The following TNR variants were observed in gnomAD, a reference collection of about 807,000 sequenced individuals.
TNR encodes the protein tenascin-R.
A neutral mutation model predicts 150.4 loss-of-function variants in TNR; 45 were observed. That is an observed-to-expected ratio of 0.30 (90% confidence interval 0.24 to 0.38). The LOEUF (loss-of-function observed/expected upper bound fraction) is 0.38, where lower values mean the gene tolerates loss of function less well. Ranked by LOEUF, TNR falls within the 10% of genes least tolerant of loss-of-function variation. The pLI, the probability that TNR is intolerant of heterozygous loss-of-function variation, is 1.00. For missense variants in TNR, 1,544 were observed against 1,759.1 expected (o/e 0.88, Z 2.19); for synonymous variants, 687 against 678.4 (o/e 1.01, Z -0.20).
At chr1:175,422,904 TG>T (rs1327450092) in intron 2 of TNR, among the ~76,000 whole-genome samples, 2 of 152,210 alleles carry the variant, frequency 1.3e-5, no homozygotes, top group Non-Finnish European at 1.5e-5. Context: ...TGGTTGGCTG[TG>T]AGCTAGGTCA....
chr1:175,550,177 T>A (rs1479303983), intron 1 of TNR, among the ~76,000 whole-genome samples: 1 of 152,182 alleles, frequency 6.6e-6, no homozygotes, highest in East Asian at 1.9e-4. Flanking sequence ...AAAGTAACTA[T>A]CTGATTTGGG....
intron 20 of TNR, 85 bp from the exon 21 acceptor site, chr1:175,330,320 C>T (rs1649670537): frequency 7.1e-7 from 1 of 1,406,608 alleles, no homozygotes; most frequent in Non-Finnish European, 9.5e-7. Context: ...GGCTTCAAAA[C>T]ATGTTACAGG....
Position 175,544,410 on chromosome 1 carries a change from G to A in TNR, c.-164-16041C>T, listed in dbSNP as rs1229876958. ...TGACTCACTGGACGGGATAGGGGCA[G>A]GGAGGAACAATTAAGCCTTCTCAGG... On this transcript the variant is annotated intron_variant, in intron 1 of 22. Transcript: ENST00000367674. Among the ~76,000 whole-genome samples the A allele has an allele frequency of 3.3e-5, 5 of 152,212 alleles. 1 individual carries two copies. The highest frequency in any genetic ancestry group is 1.2e-4 in the African/African-American group (5 of 41,454).
At chr1:175,630,369 C>T (rs1338136260) in intron 1 of TNR, among the ~76,000 whole-genome samples, 3 of 152,170 alleles carry the variant, frequency 2.0e-5, no homozygotes, top group Non-Finnish European at 4.4e-5. Context: ...GAGTGTGTGT[C>T]TATCAGTAGC....
intron 6 of TNR, among the ~76,000 whole-genome samples, chr1:175,393,319 C>G (rs974344861): frequency 1.3e-5 from 2 of 152,100 alleles, no homozygotes; most frequent in Non-Finnish European, 2.9e-5. Flanking sequence ...ATGTCTGTAA[C>G]CTTTAGGGAT....
intron 1 of TNR, among the ~76,000 whole-genome samples, chr1:175,619,341 G>A (rs1473051446): frequency 3.9e-5 from 6 of 152,112 alleles, no homozygotes; most frequent in Admixed American, 6.5e-5. Flanking sequence ...ATAAAACTTC[G>A]TGCAGAATGT....
chr1:175,432,580 T>C (rs1305994542), intron 2 of TNR, among the ~76,000 whole-genome samples: 1 of 152,230 alleles, frequency 6.6e-6, no homozygotes, highest in Admixed American at 6.5e-5. Flanking sequence ...CTTACTTTCC[T>C]TCTTTCATTT....
At chr1:175,445,121 T>A (rs900020908) in intron 2 of TNR, among the ~76,000 whole-genome samples, 6 of 152,052 alleles carry the variant, frequency 3.9e-5, no homozygotes, top group African/African-American at 1.4e-4. Context: ...ACACAAAAAA[T>A]TAGCTAGGTG....
At chr1:175,604,116 C>A (rs1045933581) in intron 1 of TNR, among the ~76,000 whole-genome samples, 3 of 151,982 alleles carry the variant, frequency 2.0e-5, no homozygotes, top group African/African-American at 7.2e-5. Flanking sequence ...ACAGTGGCAG[C>A]TTTTCCCCTT....
chr1:175,579,505 G>A (rs1037777528), intron 1 of TNR, among the ~76,000 whole-genome samples: 1 of 151,892 alleles, frequency 6.6e-6, no homozygotes. Context: ...GGGCAATGGC[G>A]ATTAGACCAA....
chr1:175,615,267 C>T (rs1049822699), intron 1 of TNR, among the ~76,000 whole-genome samples: 6 of 152,180 alleles, frequency 3.9e-5, no homozygotes, highest in Non-Finnish European at 1.5e-5. Context: ...ATTCTTGGAC[C>T]TTCTTTTCTC....
chr1:175,601,049 G>A (rs1663214362), intron 1 of TNR, among the ~76,000 whole-genome samples: 1 of 152,194 alleles, frequency 6.6e-6, no homozygotes, highest in Non-Finnish European at 1.5e-5. Context: ...AAATGATATT[G>A]TAGTTTCAAC....
intron 1 of TNR, among the ~76,000 whole-genome samples, chr1:175,696,591 G>A (rs1478645443): frequency 2.0e-5 from 3 of 152,144 alleles, no homozygotes; most frequent in Non-Finnish European, 4.4e-5. Context: ...CAACCCTAGA[G>A]GAGAAGGCCC....
At chr1:175,502,229 T>G (rs1658767798) in intron 2 of TNR, among the ~76,000 whole-genome samples, 1 of 152,158 alleles carries the variant, frequency 6.6e-6, no homozygotes, top group Non-Finnish European at 1.5e-5. Flanking sequence ...TTCAAAAAGC[T>G]TCCCACGTAA....
intron 2 of TNR, among the ~76,000 whole-genome samples, chr1:175,498,136 C>T (rs1227896015): frequency 6.6e-6 from 1 of 152,142 alleles, no homozygotes; most frequent in Admixed American, 6.5e-5. Context: ...CAAACAAACA[C>T]AAATCCTGCT....
At chr1:175,332,269 C>T (rs900498624) in intron 20 of TNR, among the ~76,000 whole-genome samples, 43 of 152,310 alleles carry the variant, frequency 2.8e-4, no homozygotes, top group African/African-American at 1.0e-3. Context: ...TAAGTGGTGA[C>T]CAGCTCTGAG....
At chr1:175,505,904 G>A (rs1388134574) in intron 2 of TNR, among the ~76,000 whole-genome samples, 3 of 82 alleles carry the variant, frequency 0.037, no homozygotes, top group Admixed American at 0.3. Flanking sequence ...AGCCAGGCCT[G>A]GTGCACATGC....
chr1:175,466,559 C>T (rs1657043532), intron 2 of TNR, among the ~76,000 whole-genome samples: 2 of 152,190 alleles, frequency 1.3e-5, no homozygotes, highest in South Asian at 2.1e-4. Flanking sequence ...GTTACTGGGC[C>T]CTGCCATCGA....
At chr1:175,611,783 C>CTCACAA (rs1435905195) in intron 1 of TNR, among the ~76,000 whole-genome samples, 1 of 152,164 alleles carries the variant, frequency 6.6e-6, no homozygotes, top group Non-Finnish European at 1.5e-5. Flanking sequence ...CTCACAGACG[C>CTCACAA]ATAGTCTCTA....
Sources: allele counts gnomAD v4.1 joint callset (sites outside exome capture counted in the v4.1 genomes callset), GRCh38; gene constraint gnomAD v4.1.1; transcripts MANE v1.5; gene names NCBI Gene and HGNC (gene_info 2026-07-23, HGNC 2026-07-21).